RIPOR2: variants seen among roughly 807,000 people sequenced by gnomAD.
The protein encoded by RIPOR2 is rho family-interacting cell polarization regulator 2.
A neutral mutation model predicts 114.5 loss-of-function variants in RIPOR2; 39 were observed. The ratio of observed to expected loss-of-function variants is 0.34; its 90% CI spans 0.26 to 0.44. The LOEUF (loss-of-function observed/expected upper bound fraction) is 0.44. Ranked by LOEUF, RIPOR2 falls within the 20% of genes least tolerant of loss-of-function variation. RIPOR2 has a pLI of 1.00. For missense variants in RIPOR2, 1,007 were observed against 1,255.1 expected, an observed-to-expected ratio of 0.80 and a Z score of 2.99; for synonymous variants, 445 against 484.4, an observed-to-expected ratio of 0.92 and a Z score of 1.07.
intron 1 of RIPOR2, among the ~76,000 whole-genome samples, chr6:24,886,776 C>A (rs781557282): frequency 6.6e-6 from 1 of 152,216 alleles, no homozygotes; most frequent in South Asian, 2.1e-4. Flanking sequence ...GTTTCTCCTA[C>A]GGAAAGTTAC....
chr6:24,923,065 C>T (rs1297262804), intron 1 of RIPOR2, among the ~76,000 whole-genome samples: 1 of 152,108 alleles, frequency 6.6e-6, no homozygotes, highest in African/African-American at 2.4e-5. Context: ...CTGGCAACCA[C>T]CGTCTATTTA....
chr6:24,939,119 CTA>C (rs1771979075), upstream of RIPOR2, among the ~76,000 whole-genome samples: 1 of 152,104 alleles, frequency 6.6e-6, no homozygotes, highest in Non-Finnish European at 1.5e-5. Context: ...TTTATTATCT[CTA>C]TTTTAGTTTA....
chr6:24,824,170 A>G (rs1759948896), intron 19 of RIPOR2, among the ~76,000 whole-genome samples: 1 of 152,220 alleles, frequency 6.6e-6, no homozygotes, highest in African/African-American at 2.4e-5. Context: ...ATATCCTGCT[A>G]CCAGCATGTT....
At chr6:24,979,364 C>A (rs1671380890) in intron 1 of RIPOR2, among the ~76,000 whole-genome samples, 1 of 148,494 alleles carries the variant, frequency 6.7e-6, no homozygotes, top group Admixed American at 6.8e-5. Context: ...CACAACACTG[C>A]ACATTAACTG....
chr6:24,875,810 C>A lies in RIPOR2; in HGVS notation c.69G>T (p.Pro23=), dbSNP rs915434950. 7 of 1,608,164 alleles carry A rather than the reference C, an allele frequency of 4.4e-6. No individual in the cohort carries two copies. The African/African-American group carries it at 9.4e-5, about 22-fold the overall frequency. Residue 23 remains proline (P), a synonymous_variant, in exon 2 of 22, where the codon CCG becomes CCT. Transcript: ENST00000643898. ...CCAACATGATTTCCGGGAGTCTGGT[C>A]GGTAGTCCTAGAAGACAGTGGAAAG... ...EEDDVFGEGL[P]TRLPEIMLVG... is the part of the protein sequence containing the mutation.
chr6:24,948,774 G>A (rs889135128), intron 1 of RIPOR2, among the ~76,000 whole-genome samples: 3 of 152,042 alleles, frequency 2.0e-5, no homozygotes, highest in East Asian at 1.9e-4. Context: ...CAGGTGATCC[G>A]CTCACCTTGG....
intron 1 of RIPOR2, among the ~76,000 whole-genome samples, chr6:24,918,210 C>T (rs1770231312): frequency 6.6e-6 from 1 of 152,194 alleles, no homozygotes; most frequent in African/African-American, 2.4e-5. Flanking sequence ...TCCCCATCCC[C>T]CTTGTAACTC....
At chr6:24,819,367 T>A (rs1212048749) in intron 19 of RIPOR2, among the ~76,000 whole-genome samples, 1 of 151,994 alleles carries the variant, frequency 6.6e-6, no homozygotes, top group East Asian at 1.9e-4. Flanking sequence ...GGAAGTTGAT[T>A]GAAAAAAAGG....
At chr6:24,892,105 T>A (rs1386730817) in intron 1 of RIPOR2, among the ~76,000 whole-genome samples, 1 of 152,118 alleles carries the variant, frequency 6.6e-6, no homozygotes, top group Non-Finnish European at 1.5e-5. Flanking sequence ...GTGATCCACC[T>A]GCCTCAGCCT....
chr6:24,899,808 C>T (rs1768230294), intron 1 of RIPOR2, among the ~76,000 whole-genome samples: 1 of 152,174 alleles, frequency 6.6e-6, no homozygotes, highest in Admixed American at 6.5e-5. Context: ...TTGTTCAGAT[C>T]TCTGAGGCGT....
intron 6 of RIPOR2, among the ~76,000 whole-genome samples, chr6:24,866,537 T>A (rs1446758775): frequency 1.8e-5 from 2 of 108,538 alleles, no homozygotes; most frequent in African/African-American, 6.5e-5. Flanking sequence ...TTTTTTTTTT[T>A]GAGATGAGGT....
At chr6:24,906,777 C>T (rs1292532344) in intron 1 of RIPOR2, among the ~76,000 whole-genome samples, 1 of 152,140 alleles carries the variant, frequency 6.6e-6, no homozygotes, top group Non-Finnish European at 1.5e-5. Context: ...GCTGAGACTA[C>T]AAGCATGCAC....
intron 1 of RIPOR2, among the ~76,000 whole-genome samples, chr6:24,913,754 G>A (rs1278638450): frequency 1.3e-5 from 2 of 152,010 alleles, no homozygotes; most frequent in African/African-American, 2.4e-5. Flanking sequence ...TTATAATGCT[G>A]TTCACTTCCT....
chr6:25,003,423 T>TTATC (rs1561837763), intron 1 of RIPOR2, among the ~76,000 whole-genome samples: 2 of 137,796 alleles, frequency 1.5e-5, no homozygotes, highest in African/African-American at 5.3e-5. Context: ...TTATTATTAT[T>TTATC]ATCATCTCCT....
intron 1 of RIPOR2, among the ~76,000 whole-genome samples, chr6:25,036,570 T>A (rs1310422382): frequency 6.6e-6 from 1 of 151,836 alleles, no homozygotes; most frequent in Admixed American, 6.6e-5. Flanking sequence ...TAAAAAAAAA[T>A]GTTTATAGAG....
In RIPOR2 at chr6:24,834,240, G is replaced by A. The variant is rs1022430890; in HGVS notation, c.2208+1463C>T. 5.3e-5 allele frequency among the ~76,000 whole-genome samples: 8 copies of A among 152,286 alleles called. No individual in the cohort carries two copies. The East Asian group carries it at 1.4e-3, about 26-fold the overall frequency. On this transcript the variant is annotated intron_variant, in intron 15 of 21. Transcript: ENST00000643898. ...TATAATTGCCAACCAGTCTCCCACA[G>A]CACACAGTTGTCTGAGGCTTCTCTG...
At chr6:25,024,342 G>C in intron 1 of RIPOR2, 1 of 1,447,240 alleles carries the variant, frequency 6.9e-7, no homozygotes, top group South Asian at 1.1e-5. Context: ...CTTCTTCCTG[G>C]CTTCCTCGAA....
intron 1 of RIPOR2, among the ~76,000 whole-genome samples, chr6:24,957,405 T>C (rs966635239): frequency 1.3e-5 from 2 of 152,224 alleles, no homozygotes; most frequent in African/African-American, 4.8e-5. Context: ...CAAAGTTACA[T>C]AGCTGGTAAA....
chr6:24,825,996 G>A (rs1760153762), intron 18 of RIPOR2, among the ~76,000 whole-genome samples: 1 of 141,726 alleles, frequency 7.1e-6, no homozygotes, highest in South Asian at 2.2e-4. Context: ...GTGTGATCTC[G>A]GTTCACTGCA....
Sources: gnomAD v4.1 joint callset for allele counts (sites outside exome capture counted in the v4.1 genomes callset) on GRCh38, gnomAD v4.1.1 for gene constraint, MANE v1.5 for transcripts, NCBI Gene and HGNC (gene_info 2026-07-23, HGNC 2026-07-21) for gene names.